The following ADGRL2 variants were observed in gnomAD, a reference collection of about 807,000 sequenced individuals.
The protein encoded by ADGRL2 is adhesion G protein-coupled receptor L2.
Under a neutral mutation model 157.4 loss-of-function variants are expected in ADGRL2, and 44 were observed. That is an observed-to-expected ratio of 0.28 (90% CI 0.22 to 0.36). The LOEUF (loss-of-function observed/expected upper bound fraction) is 0.36. Ranked by LOEUF, ADGRL2 falls within the 10% of genes least tolerant of loss-of-function variation. The pLI, the probability that ADGRL2 is intolerant of heterozygous loss-of-function variation, is 1.00. For synonymous variants in ADGRL2, 585 were observed against 624.7 expected (o/e 0.94, Z 0.95); for missense variants, 1,510 against 1,768.9 (o/e 0.85, Z 2.63).
At chr1:81,744,790 T>C (rs1270539701) in intron 1 of ADGRL2, among the ~76,000 whole-genome samples, 2 of 152,196 alleles carry the variant, frequency 1.3e-5, no homozygotes, top group Non-Finnish European at 1.5e-5. Flanking sequence ...TAGGTTCCTC[T>C]TTCTTTTGCT....
chr1:81,716,194 C>T (rs1420326753), intron 1 of ADGRL2, among the ~76,000 whole-genome samples: 3 of 152,122 alleles, frequency 2.0e-5, no homozygotes, highest in Non-Finnish European at 4.4e-5. Context: ...GTTCATATTT[C>T]TGGATATGGC....
chr1:81,310,145 T>C (rs1193682053), intron 1 of ADGRL2, among the ~76,000 whole-genome samples: 1 of 152,096 alleles, frequency 6.6e-6, no homozygotes, highest in Non-Finnish European at 1.5e-5. Flanking sequence ...AGAAATGAAG[T>C]AGCAATGCAT....
chr1:81,546,198 A>T (rs1483989498), intron 2 of ADGRL2, among the ~76,000 whole-genome samples: 2 of 152,200 alleles, frequency 1.3e-5, no homozygotes, highest in Non-Finnish European at 2.9e-5. Flanking sequence ...TTCAATTGTG[A>T]CTATCAAAGC....
intron 3 of ADGRL2, among the ~76,000 whole-genome samples, chr1:81,593,982 A>G (rs1168128854): frequency 2.0e-5 from 3 of 152,196 alleles, no homozygotes; most frequent in Non-Finnish European, 4.4e-5. Flanking sequence ...TTCTGCACAT[A>G]GATAGACAAC....
chr1:81,851,436 C>T (rs1383677762), intron 2 of ADGRL2, among the ~76,000 whole-genome samples: 1 of 151,650 alleles, frequency 6.6e-6, no homozygotes, highest in East Asian at 1.9e-4. Context: ...CTAGTCATTT[C>T]GAAAATTCTT....
chr1:81,924,811 T>C (rs1354223501), intron 3 of ADGRL2, among the ~76,000 whole-genome samples: 1 of 152,042 alleles, frequency 6.6e-6, no homozygotes, highest in Non-Finnish European at 1.5e-5. Flanking sequence ...TTAAGCAGGA[T>C]TTTTTTGTTC....
intron 2 of ADGRL2, among the ~76,000 whole-genome samples, chr1:81,533,634 T>G (rs1262410627): frequency 2.0e-5 from 3 of 152,234 alleles, no homozygotes; most frequent in Non-Finnish European, 4.4e-5. Flanking sequence ...TACTCTGAAT[T>G]CCAGAAGCAT....
chr1:81,599,749 G>A (rs1215023829), intron 3 of ADGRL2, among the ~76,000 whole-genome samples: 1 of 152,072 alleles, frequency 6.6e-6, no homozygotes, highest in Non-Finnish European at 1.5e-5. Flanking sequence ...CCATTTTTCA[G>A]ATGAGAAAAC....
chr1:81,395,377 G>C (rs1443088455), intron 1 of ADGRL2, among the ~76,000 whole-genome samples: 1 of 152,060 alleles, frequency 6.6e-6, no homozygotes, highest in African/African-American at 2.4e-5. Flanking sequence ...TTTCAAATGA[G>C]ATTATTTGGG....
chr1:81,892,074 A>AT (rs899531584), intron 2 of ADGRL2, among the ~76,000 whole-genome samples: 1 of 151,774 alleles, frequency 6.6e-6, no homozygotes, highest in Non-Finnish European at 1.5e-5. Context: ...GTTGAGATAC[A>AT]TTTTTTTATC....
Position 81,505,778 on chromosome 1 carries a change from C to G in ADGRL2, c.-248+60689C>G, listed in dbSNP as rs148319500. Among the ~76,000 whole-genome samples, 1,459 of 149,342 alleles carry G rather than the reference C, an allele frequency of 9.8e-3. 12 individuals are homozygous for G. The highest frequency in any genetic ancestry group is 0.023 in the African/African-American group (919 of 40,484). ...AAAAAAAAAAATAGGAGGCTGAAAC[C>G]TAGAACTGAGAAAAATCTGAGTTTT... On this transcript the variant is annotated intron_variant, in intron 2 of 24. Coordinates refer to the ADGRL2 transcript ENST00000370721.
intron 2 of ADGRL2, among the ~76,000 whole-genome samples, chr1:81,892,085 C>A (rs1027175934): frequency 1.3e-5 from 2 of 151,098 alleles, no homozygotes; most frequent in African/African-American, 4.9e-5. Context: ...TTTTTTTATC[C>A]ATCAATCTTT....
At chr1:81,466,341 T>C (rs576736032) in intron 2 of ADGRL2, among the ~76,000 whole-genome samples, 1 of 152,244 alleles carries the variant, frequency 6.6e-6, no homozygotes. Flanking sequence ...AAGGTACAGG[T>C]TAAATAAATT....
At chr1:81,761,715 C>A (rs1206086117) in intron 1 of ADGRL2, 1 of 151,868 alleles carries the variant, frequency 6.6e-6, no homozygotes, top group Non-Finnish European at 1.5e-5. Flanking sequence ...CTTAGATTTA[C>A]TTTATTTTTG....
At chr1:81,672,209 A>G (rs1162086992) in intron 3 of ADGRL2, among the ~76,000 whole-genome samples, 7 of 152,180 alleles carry the variant, frequency 4.6e-5, no homozygotes, top group African/African-American at 1.7e-4. Context: ...TAAGATACCT[A>G]TTAGAGCCAA....
At chr1:81,759,052 C>G (rs2085784443) in intron 1 of ADGRL2, among the ~76,000 whole-genome samples, 1 of 152,080 alleles carries the variant, frequency 6.6e-6, no homozygotes. Context: ...TCTGCTAATA[C>G]TGACCTCAAT....
intron 2 of ADGRL2, among the ~76,000 whole-genome samples, chr1:81,904,869 G>A (rs1447671262): frequency 2.6e-5 from 4 of 151,932 alleles, no homozygotes; most frequent in African/African-American, 4.8e-5. Context: ...ACTCTGTCTC[G>A]GGGTGGGGGC....
chr1:81,697,276 CTA>C (rs1490908921), upstream of ADGRL2, among the ~76,000 whole-genome samples: 5 of 152,134 alleles, frequency 3.3e-5, no homozygotes, highest in Non-Finnish European at 7.3e-5. Flanking sequence ...TTAAAATTAT[CTA>C]TGTCATAAGG....
At chr1:81,803,701 C>T (rs1386640749) in intron 1 of ADGRL2, among the ~76,000 whole-genome samples, 1 of 152,136 alleles carries the variant, frequency 6.6e-6, no homozygotes, top group Non-Finnish European at 1.5e-5. Context: ...GCTGCAGCTA[C>T]CAACCATATG....
Sources: gnomAD v4.1 joint callset for allele counts (sites outside exome capture counted in the v4.1 genomes callset) on GRCh38, gnomAD v4.1.1 for gene constraint, MANE v1.5 for transcripts, NCBI Gene and HGNC (gene_info 2026-07-23, HGNC 2026-07-21) for gene names.